EYS: variants seen among roughly 807,000 people sequenced by gnomAD.
EYS encodes the protein EGF-like photoreceptor maintenance factor.
A neutral mutation model predicts 282.1 loss-of-function variants in EYS; 250 were observed. That is an observed-to-expected ratio of 0.89 (90% CI 0.80 to 0.98). The LOEUF (loss-of-function observed/expected upper bound fraction) is 0.98. Ranked by LOEUF, EYS falls within the 50% of genes least tolerant of loss-of-function variation. The pLI is 0.00. For missense variants in EYS, 4,016 were observed against 3,709.0 expected (o/e 1.08, Z -2.15); for synonymous variants, 1,355 against 1,282.9 (o/e 1.06, Z -1.20).
intron 14 of EYS, among the ~76,000 whole-genome samples, chr6:64,950,055 T>C (rs1212600609): frequency 6.6e-6 from 1 of 151,886 alleles, no homozygotes; most frequent in Non-Finnish European, 1.5e-5. Flanking sequence ...TTATAAACAT[T>C]TAAGCCATGT....
intron 22 of EYS, among the ~76,000 whole-genome samples, chr6:64,780,017 C>T (rs1266738982): frequency 1.3e-5 from 2 of 152,146 alleles, no homozygotes; most frequent in African/African-American, 2.4e-5. Context: ...ACATCTTAAT[C>T]TCTTCTTAAA....
chr6:64,447,172 T>C (rs1368700655), intron 26 of EYS, among the ~76,000 whole-genome samples: 1 of 152,146 alleles, frequency 6.6e-6, no homozygotes, highest in Non-Finnish European at 1.5e-5. Flanking sequence ...AACTGTGTAT[T>C]ACCCACAGAT....
At chr6:65,407,471 G>T (rs1044360416) in intron 5 of EYS, among the ~76,000 whole-genome samples, 4 of 152,016 alleles carry the variant, frequency 2.6e-5, no homozygotes, top group Admixed American at 1.3e-4. Flanking sequence ...GGCCAGGCTG[G>T]TCTCGAACTC....
At chr6:64,144,842 G>A (rs1257802091) in intron 31 of EYS, among the ~76,000 whole-genome samples, 1 of 152,042 alleles carries the variant, frequency 6.6e-6, no homozygotes, top group African/African-American at 2.4e-5. Context: ...GTTGGGGATG[G>A]ATGGAAAAAA....
intron 29 of EYS, among the ~76,000 whole-genome samples, chr6:64,341,997 A>G (rs1261326889): frequency 6.6e-6 from 1 of 151,682 alleles, no homozygotes; most frequent in Non-Finnish European, 1.5e-5. Context: ...ATGGTTACTT[A>G]TAAGAGGAGG....
intron 1 of EYS, among the ~76,000 whole-genome samples, chr6:65,682,437 A>G (rs972168685): frequency 2.0e-5 from 3 of 151,928 alleles, no homozygotes; most frequent in South Asian, 4.1e-4. Flanking sequence ...TGTCATAAAT[A>G]ATTTTATATA....
chr6:64,918,485 G>A (rs918853691), intron 15 of EYS, among the ~76,000 whole-genome samples: 2 of 152,154 alleles, frequency 1.3e-5, no homozygotes, highest in Non-Finnish European at 2.9e-5. Context: ...AAGCCTGGGA[G>A]TAACATTGAT....
At chr6:64,714,334 GATAAGGA>G (rs1235575916) in intron 22 of EYS, among the ~76,000 whole-genome samples, 1 of 152,124 alleles carries the variant, frequency 6.6e-6, no homozygotes, top group Non-Finnish European at 1.5e-5. Context: ...TCTTTTCCCA[GATAAGGA>G]ATAATTGAGA....
In EYS at chr6:65,494,758, G is replaced by A. The variant is rs1350448962; in HGVS notation, c.653C>T (p.Ser218Phe). 9 of 1,613,892 alleles carry A rather than the reference G, an allele frequency of 5.6e-6. No individual in the cohort carries two copies. Among genetic ancestry groups the A allele is most frequent in the Non-Finnish European group, 7.6e-6 (9 of 1,179,898 alleles). Residue 218 changes from serine to phenylalanine, a missense_variant, in exon 4 of 43, where the codon TCT becomes TTT. Coordinates refer to ENST00000503581, the MANE Select transcript of EYS (RefSeq NM_001142800.2). ...GKYCQELDAC[S>F]FKPCKNNGSC... is the part of the protein sequence containing the mutation. ...GCCATTATTTTTACATGGTTTAAAA[G>A]AACATGCATCAAGTTCCTGGCAGTA...
intron 8 of EYS, among the ~76,000 whole-genome samples, chr6:65,370,946 A>G (rs1225264157): frequency 1.3e-5 from 2 of 151,924 alleles, no homozygotes; most frequent in African/African-American, 4.8e-5. Context: ...CAATAAAAAT[A>G]ATGTTTGAAG....
intron 31 of EYS, among the ~76,000 whole-genome samples, chr6:64,116,267 G>T (rs544738480): frequency 6.6e-6 from 1 of 152,156 alleles, no homozygotes; most frequent in Admixed American, 6.5e-5. Context: ...GAAAAGGAAA[G>T]AACTTTTTAA....
intron 36 of EYS, among the ~76,000 whole-genome samples, chr6:63,849,231 C>A (rs892898014): frequency 4.6e-5 from 7 of 152,166 alleles, no homozygotes; most frequent in Admixed American, 4.6e-4. Flanking sequence ...GGACAGAGCA[C>A]CTGGGGAGAG....
At chr6:63,733,166 T>C (rs1417282230) in intron 41 of EYS, among the ~76,000 whole-genome samples, 1 of 152,078 alleles carries the variant, frequency 6.6e-6, no homozygotes, top group Non-Finnish European at 1.5e-5. Context: ...AGAGTTTTAA[T>C]AGATAAAGTC....
At chr6:64,763,767 T>C (rs1292345527) in intron 22 of EYS, among the ~76,000 whole-genome samples, 1 of 152,046 alleles carries the variant, frequency 6.6e-6, no homozygotes, top group Non-Finnish European at 1.5e-5. Context: ...GTTAGTTACT[T>C]CCAAGATACA....
At chr6:64,682,036 A>G (rs1472710730) in intron 22 of EYS, among the ~76,000 whole-genome samples, 2 of 152,172 alleles carry the variant, frequency 1.3e-5, no homozygotes, top group African/African-American at 4.8e-5. Flanking sequence ...CACAGAGGAG[A>G]AACAAGCAGT....
intron 12 of EYS, among the ~76,000 whole-genome samples, chr6:65,085,870 A>G (rs1373584401): frequency 6.6e-6 from 1 of 151,910 alleles, no homozygotes; most frequent in African/African-American, 2.4e-5. Flanking sequence ...CTATACTTGC[A>G]TAGTTATCCT....
rs544498769 is a variant in EYS, at chr6:65,026,786, G to A, written c.2138-29083C>T. Among the ~76,000 whole-genome samples the A allele has an allele frequency of 1.9e-3, 291 of 152,054 alleles. 2 individuals are homozygous for A. Among genetic ancestry groups the A allele is most frequent in the African/African-American group, 6.9e-3 (285 of 41,500 alleles). On this transcript the variant is annotated intron_variant, in intron 13 of 42. Coordinates refer to ENST00000503581, the MANE Select transcript of EYS (RefSeq NM_001142800.2). ...CAAAAAATTAGCTGGGCGTGGTGGCGGGCGCCTGTAATCCCAGTTACCTGG... is the reference window on the plus strand; with the variant it reads ...CAAAAAATTAGCTGGGCGTGGTGGCAGGCGCCTGTAATCCCAGTTACCTGG...
chr6:64,148,532 T>C (rs572523869), intron 31 of EYS, among the ~76,000 whole-genome samples: 67 of 152,304 alleles, frequency 4.4e-4, no homozygotes, highest in Non-Finnish European at 6.6e-4. Context: ...ACATCAATAG[T>C]TAAGTTGCTT....
At chr6:64,164,025 AG>A (rs1480390681) in intron 31 of EYS, among the ~76,000 whole-genome samples, 4 of 152,136 alleles carry the variant, frequency 2.6e-5, no homozygotes, top group Non-Finnish European at 5.9e-5. Flanking sequence ...TGTTACTCCT[AG>A]GTGTTGACTC....
Sources: allele counts gnomAD v4.1 joint callset (sites outside exome capture counted in the v4.1 genomes callset), GRCh38; gene constraint gnomAD v4.1.1; transcripts MANE v1.5; gene names NCBI Gene and HGNC (gene_info 2026-07-23, HGNC 2026-07-21).